The following AGXT2 variants were observed in gnomAD, a reference collection of about 807,000 sequenced individuals.
AGXT2 encodes alanine--glyoxylate aminotransferase 2.
A neutral mutation model predicts 62.5 loss-of-function variants in AGXT2; 61 were observed. That is an observed-to-expected ratio of 0.98 (90% CI 0.79 to 1.21). The LOEUF (loss-of-function observed/expected upper bound fraction) is 1.21. AGXT2 is among the 50% of genes most tolerant of loss of function. The pLI is 0.00. For missense variants in AGXT2, 666 were observed against 641.5 expected, an observed-to-expected ratio of 1.04 and a Z score of -0.41; for synonymous variants, 243 against 218.7, an observed-to-expected ratio of 1.11 and a Z score of -0.98.
intron 9 of AGXT2, among the ~76,000 whole-genome samples, chr5:35,024,766 C>A (rs979552351): frequency 7.2e-5 from 11 of 152,006 alleles, no homozygotes; most frequent in Non-Finnish European, 1.3e-4. Context: ...GTCAGGAGTT[C>A]GAGACCAGCC....
Position 34,998,815 on chromosome 5 carries a change from A to G in AGXT2, c.1449T>C (p.Ile483=). The G allele has an allele frequency of 6.2e-7, 1 of 1,613,178 alleles. No individual in the cohort carries two copies. Among genetic ancestry groups the G allele is most frequent in the Non-Finnish European group, 8.5e-7 (1 of 1,179,486 alleles). ...GTTTAGTGATGCACATTGAGGGCGC[A>G]ATGCGAAATGTCTGAGGAGACACCA... ...RGSIFSQTFR[I]APSMCITKPE... The change falls in exon 14 of 14, where the codon ATT becomes ATC. Residue 483 remains isoleucine (I), a synonymous_variant. Coordinates refer to ENST00000231420, the MANE Select transcript of AGXT2 (RefSeq NM_031900.4).
intron 9 of AGXT2, among the ~76,000 whole-genome samples, chr5:35,023,016 T>C (rs1421594168): frequency 6.6e-6 from 1 of 151,526 alleles, no homozygotes; most frequent in Non-Finnish European, 1.5e-5. Context: ...ATTTTTTTTT[T>C]TAATTAGTGA....
intron 11 of AGXT2, 148 bp from the exon 12 acceptor site, chr5:35,010,297 A>T: frequency 9.3e-7 from 1 of 1,073,776 alleles, no homozygotes; most frequent in Non-Finnish European, 1.4e-6. Flanking sequence ...GACTACAAAA[A>T]GATCTGTTGT....
intron 9 of AGXT2, among the ~76,000 whole-genome samples, chr5:35,018,327 GGTCA>G (rs1766930871): frequency 6.6e-6 from 1 of 152,090 alleles, no homozygotes. Flanking sequence ...AAGAGAGAAA[GGTCA>G]GGTTACCCTC....
rs1767972915 is a variant in AGXT2 at position 35,041,201 on chromosome 5, A to AG, written c.89-539dup. ...CTAATAAATACATGCAAATAGACCC[A>AG]GAAGACAAAACCTCCCCCCGCCAAA... is the stretch of plus-strand genomic sequence containing the variant. On this transcript the variant is annotated intron_variant, in intron 1 of 13. Coordinates refer to ENST00000231420, the MANE Select transcript of AGXT2 (RefSeq NM_031900.4). Among the ~76,000 whole-genome samples the AG allele has an allele frequency of 4.3e-5, 6 of 140,244 alleles. No individual in the cohort carries two copies. The Admixed American group carries it at 4.6e-4, about 11-fold the overall frequency. The allele number at this position is 140,244 out of a possible 152,430, so 92.0% of individuals were successfully genotyped here.
chr5:35,031,886 GTTTTTTTT>G (rs34618446), intron 7 of AGXT2, among the ~76,000 whole-genome samples: 23 of 119,394 alleles, frequency 1.9e-4, no homozygotes, highest in Admixed American at 5.9e-4. Context: ...TTGATTTCTT[GTTTTTTTT>G]TTTTTTTTGG....
At chr5:35,045,640 A>G (rs40200) in intron 1 of AGXT2, among the ~76,000 whole-genome samples, 128,241 of 152,034 alleles carry the variant, frequency 0.84, 54,671 homozygotes, top group Middle Eastern at 0.91. Context: ...GCAAGCACAA[A>G]CAGGCACAGA....
At chr5:35,045,857 T>C (rs1319429328) in intron 1 of AGXT2, among the ~76,000 whole-genome samples, 1 of 142,516 alleles carries the variant, frequency 7.0e-6, no homozygotes, top group African/African-American at 2.6e-5. Flanking sequence ...AAGCTCCGAC[T>C]CCCGGGTTCA....
At chr5:35,032,851 G>A (rs1253452099) in intron 6 of AGXT2, 26 bp from the exon 7 acceptor site, 2 of 1,574,818 alleles carry the variant, frequency 1.3e-6, no homozygotes, top group Non-Finnish European at 1.7e-6. Context: ...GAAGGAGTGT[G>A]GCAAAGCATG....
At chr5:35,037,103 G>T (rs182172054) in intron 3 of AGXT2, 38 bp from the exon 4 acceptor site, 616 of 1,612,712 alleles carry the variant, frequency 3.8e-4, no homozygotes, top group Admixed American at 5.5e-4. Flanking sequence ...TGCACTGCGT[G>T]CCACGTCCCT....
chr5:35,029,847 T>C (rs565029127), intron 7 of AGXT2, among the ~76,000 whole-genome samples: 2 of 152,176 alleles, frequency 1.3e-5, no homozygotes, highest in Admixed American at 1.3e-4. Context: ...GGGAGGTAGA[T>C]GGAGTAGGAC....
At chr5:35,021,716 G>A (rs1364773574) in intron 9 of AGXT2, among the ~76,000 whole-genome samples, 4 of 151,990 alleles carry the variant, frequency 2.6e-5, no homozygotes, top group African/African-American at 9.7e-5. Flanking sequence ...AGCCAAAATT[G>A]ACAAATGGGA....
At chr5:35,040,468 T>C in intron 2 of AGXT2, 107 bp downstream of exon 2, 1 of 1,028,666 alleles carries the variant, frequency 9.7e-7, no homozygotes. Flanking sequence ...AATGAGGTAG[T>C]TTAGTGGCAA....
intron 1 of AGXT2, among the ~76,000 whole-genome samples, chr5:35,042,003 T>C (rs1449200818): frequency 6.6e-6 from 1 of 152,204 alleles, no homozygotes; most frequent in Admixed American, 6.5e-5. Flanking sequence ...TTTCATTGTG[T>C]CTCTCTGCAT....
chr5:35,009,554 C>T (rs989379512), intron 12 of AGXT2, among the ~76,000 whole-genome samples: 3 of 152,082 alleles, frequency 2.0e-5, no homozygotes, highest in Admixed American at 2.0e-4. Context: ...CAAGATCGTA[C>T]CACTGCACTC....
At chr5:35,003,736 A>G in intron 13 of AGXT2, 27 bp downstream of exon 13, 3 of 1,573,586 alleles carry the variant, frequency 1.9e-6, no homozygotes, top group Non-Finnish European at 2.6e-6. Flanking sequence ...ACCTAGAGCG[A>G]TAGGTAAAAA....
chr5:35,035,222 C>T lies in AGXT2; in HGVS notation c.581G>A (p.Arg194Lys). 1 of 1,613,750 alleles carries T rather than the reference C, an allele frequency of 6.2e-7. No homozygotes were observed. The highest frequency in any genetic ancestry group is 8.5e-7 in the Non-Finnish European group (1 of 1,179,676). Residue 194 changes from arginine (R) to lysine (K), a missense_variant and splice_region_variant, in exon 5 of 14, where the codon AGA (arginine) becomes AAA (lysine). Arg to Lys is a conservative substitution (Grantham distance 26). Coordinates refer to ENST00000231420, the MANE Select transcript of AGXT2 (RefSeq NM_031900.4). ...GTTGAATATTCCAAGTTGTGATTAC[C>T]TGAAAGAAATGATGTCTATGTTGTT... ...HSNNIDIISF[R>K]GAYHGCSPYT...
chr5:35,028,256 T>C (rs1767433870), intron 7 of AGXT2, among the ~76,000 whole-genome samples: 1 of 152,174 alleles, frequency 6.6e-6, no homozygotes, highest in African/African-American at 2.4e-5. Context: ...CAGGATTTTT[T>C]AGTTGTTTTC....
At chr5:35,041,020 T>C (rs1022888768) in intron 1 of AGXT2, among the ~76,000 whole-genome samples, 1 of 151,962 alleles carries the variant, frequency 6.6e-6, no homozygotes, top group Non-Finnish European at 1.5e-5. Context: ...CCCCTGTTAA[T>C]AGAGGTGCTT....
Sources: allele counts gnomAD v4.1 joint callset (sites outside exome capture counted in the v4.1 genomes callset), GRCh38; gene constraint gnomAD v4.1.1; transcripts MANE v1.5; gene names NCBI Gene and HGNC (gene_info 2026-07-23, HGNC 2026-07-21).